SPOCK1: variants seen among roughly 807,000 people sequenced by gnomAD.
SPOCK1 encodes the protein SPARC (osteonectin), cwcv and kazal like domains proteoglycan 1, also known as testican-1.
A neutral mutation model predicts 55.3 loss-of-function variants in SPOCK1; 23 were observed. That is an observed-to-expected ratio of 0.42 (90% CI 0.30 to 0.59). The LOEUF is 0.59. Among genes scored for constraint, SPOCK1 ranks in the 20% least tolerant of loss-of-function variants. The probability of loss-of-function intolerance (pLI) is 0.22; values close to 1 mark genes in which losing one functional copy is unlikely to be tolerated. For synonymous variants in SPOCK1, 226 were observed against 221.0 expected (o/e 1.02, Z -0.20); for missense variants, 499 against 552.5 (o/e 0.90, Z 0.97).
At chr5:137,055,303 C>T (rs1342422958) in intron 6 of SPOCK1, among the ~76,000 whole-genome samples, 2 of 152,144 alleles carry the variant, frequency 1.3e-5, no homozygotes, top group African/African-American at 4.8e-5. Context: ...GGATGGACAG[C>T]TGAATGGATG....
At chr5:137,209,721 A>C (rs1755576991) in intron 3 of SPOCK1, among the ~76,000 whole-genome samples, 1 of 152,212 alleles carries the variant, frequency 6.6e-6, no homozygotes, top group African/African-American at 2.4e-5. Context: ...TGGCCAGGAA[A>C]GTTACATTAT....
At chr5:137,342,769 C>A (rs1750461058) in intron 2 of SPOCK1, among the ~76,000 whole-genome samples, 1 of 152,234 alleles carries the variant, frequency 6.6e-6, no homozygotes. Context: ...GAGAACCTTG[C>A]CCTTTGGCAA....
chr5:137,220,277 A>G (rs1051117610), intron 3 of SPOCK1, among the ~76,000 whole-genome samples: 1 of 152,216 alleles, frequency 6.6e-6, no homozygotes, highest in Non-Finnish European at 1.5e-5. Context: ...GTGGAAAAAG[A>G]AAACAACCTT....
At chr5:137,245,340 A>G (rs952790896) in intron 3 of SPOCK1, among the ~76,000 whole-genome samples, 1 of 152,222 alleles carries the variant, frequency 6.6e-6, no homozygotes, top group Non-Finnish European at 1.5e-5. Flanking sequence ...AAACACATGG[A>G]TGTAAGTGTA....
At position 136,985,128 on chromosome 5, in the gene SPOCK1, A is replaced by G; in HGVS notation, c.991+12T>C. ...TTAGTTGTTTAAATGAGTGGCAAGAAATTGTACTTACCCAACAGGCTTTTC... is the reference window on the plus strand; with the variant it reads ...TTAGTTGTTTAAATGAGTGGCAAGAGATTGTACTTACCCAACAGGCTTTTC... On this transcript the variant is annotated intron_variant, in intron 9 of 10. Transcript: ENST00000394945. 1 of 1,613,932 alleles carries G rather than the reference A, an allele frequency of 6.2e-7. No homozygotes were observed.
intron 2 of SPOCK1, among the ~76,000 whole-genome samples, chr5:137,435,879 G>T (rs1467263982): frequency 6.6e-6 from 1 of 151,858 alleles, no homozygotes; most frequent in Non-Finnish European, 1.5e-5. Flanking sequence ...TTTTAGCTGG[G>T]CGCGGTGGCT....
At chr5:137,449,665 G>A (rs1008146147) in intron 2 of SPOCK1, among the ~76,000 whole-genome samples, 15 of 152,092 alleles carry the variant, frequency 9.9e-5, no homozygotes, top group African/African-American at 3.6e-4. Context: ...GAAGTAGGAG[G>A]ATGGCTTGAG....
chr5:137,285,307 A>G (rs1376344215), intron 2 of SPOCK1, among the ~76,000 whole-genome samples: 1 of 152,200 alleles, frequency 6.6e-6, no homozygotes, highest in African/African-American at 2.4e-5. Flanking sequence ...ACACATGCTC[A>G]ACCACAGCAG....
At chr5:137,241,790 G>A (rs1441577458) in intron 3 of SPOCK1, among the ~76,000 whole-genome samples, 2 of 152,058 alleles carry the variant, frequency 1.3e-5, no homozygotes, top group African/African-American at 2.4e-5. Context: ...ATATTACCCA[G>A]TCTGTTGTAT....
At position 136,997,392 on chromosome 5, in the gene SPOCK1, G is replaced by T. The variant is rs113084385; in HGVS notation, c.590-4792C>A. On this transcript the variant is annotated intron_variant, in intron 6 of 10. Coordinates refer to ENST00000394945, the MANE Select transcript of SPOCK1 (RefSeq NM_004598.4). ...AGGCTCCTAATTGGTCTCCCATCTT[G>T]CCCCCTCCCTCCCCCGCCATGTTCC... Among the ~76,000 whole-genome samples the T allele has an allele frequency of 2.8e-3, 426 of 151,866 alleles. 3 individuals are homozygous for T. Among genetic ancestry groups the T allele is most frequent in the African/African-American group, 9.8e-3 (407 of 41,416 alleles).
chr5:137,117,969 G>T (rs1274152534), intron 4 of SPOCK1, among the ~76,000 whole-genome samples: 1 of 152,146 alleles, frequency 6.6e-6, no homozygotes, highest in Non-Finnish European at 1.5e-5. Context: ...AATATTTTAT[G>T]TGTTTTTTTA....
intron 2 of SPOCK1, among the ~76,000 whole-genome samples, chr5:137,449,560 CCTTAT>C (rs1237525003): frequency 6.6e-6 from 1 of 152,058 alleles, no homozygotes; most frequent in Non-Finnish European, 1.5e-5. Flanking sequence ...GTCCCAGTTT[CCTTAT>C]CTGTAAAATG....
At chr5:137,020,575 T>C (rs929316177) in intron 6 of SPOCK1, among the ~76,000 whole-genome samples, 3 of 151,916 alleles carry the variant, frequency 2.0e-5, no homozygotes, top group African/African-American at 7.2e-5. Flanking sequence ...AATTGGATGG[T>C]ATAAAATTAA....
At chr5:137,335,692 C>G (rs73296873) in intron 2 of SPOCK1, among the ~76,000 whole-genome samples, 11,046 of 152,274 alleles carry the variant, frequency 0.073, 896 homozygotes, top group African/African-American at 0.19. Flanking sequence ...CCTCATCAGG[C>G]CCACTGTATG....
rs79445115 is a variant in SPOCK1, at chr5:137,001,032, A to C, written c.590-8432T>G. 4.4e-3 allele frequency among the ~76,000 whole-genome samples: 676 copies of C among 152,246 alleles called. 19 individuals are homozygous for C. The East Asian group carries it at 0.089, about 20-fold the overall frequency. ...AATAAATAAATAAAAAATAAAAACA[A>C]AAAATAGGCTCTGGAGTCAGGGCTG... On this transcript the variant is annotated intron_variant, in intron 6 of 10. Coordinates refer to ENST00000394945, the MANE Select transcript of SPOCK1 (RefSeq NM_004598.4).
At chr5:137,263,457 A>C (rs1021188479) in intron 3 of SPOCK1, among the ~76,000 whole-genome samples, 4 of 152,172 alleles carry the variant, frequency 2.6e-5, no homozygotes, top group Admixed American at 6.5e-5. Flanking sequence ...AGAGGCAACC[A>C]AAAGCTCTGG....
chr5:137,384,090 C>T (rs1363605228), intron 2 of SPOCK1, among the ~76,000 whole-genome samples: 2 of 152,224 alleles, frequency 1.3e-5, no homozygotes, highest in African/African-American at 4.8e-5. Flanking sequence ...TGGCATAAAC[C>T]ACATGGGCTC....
chr5:137,395,838 G>A (rs1156445257), intron 2 of SPOCK1, among the ~76,000 whole-genome samples: 2 of 152,164 alleles, frequency 1.3e-5, no homozygotes, highest in African/African-American at 4.8e-5. Context: ...TATCCTGCAT[G>A]TGCACTTACC....
intron 2 of SPOCK1, among the ~76,000 whole-genome samples, chr5:137,406,860 T>C (rs1279000090): frequency 6.6e-6 from 1 of 152,216 alleles, no homozygotes; most frequent in Non-Finnish European, 1.5e-5. Flanking sequence ...TTAAGAGGAC[T>C]CAATGAATTA....
Sources: gnomAD v4.1 joint callset for allele counts (sites outside exome capture counted in the v4.1 genomes callset) on GRCh38, gnomAD v4.1.1 for gene constraint, MANE v1.5 for transcripts, NCBI Gene and HGNC (gene_info 2026-07-23, HGNC 2026-07-21) for gene names.